Variants in AGAP1 observed in about 807,000 individuals in gnomAD.
AGAP1 encodes the protein arf-GAP with GTPase, ANK repeat and PH domain-containing protein 1.
AGAP1 carries 29 observed loss-of-function variants against 105.3 expected under a neutral mutation model. That is an observed-to-expected ratio of 0.28 (90% CI 0.21 to 0.38). The LOEUF (loss-of-function observed/expected upper bound fraction) is 0.38, where lower values mean the gene tolerates loss of function less well. Among genes scored for constraint, AGAP1 ranks in the 10% least tolerant of loss-of-function variants. The pLI is 1.00. For synonymous variants in AGAP1, 509 were observed against 485.9 expected (o/e 1.05, Z -0.63); for missense variants, 998 against 1,165.1 (o/e 0.86, Z 2.09).
chr2:236,010,580 G>C (rs1036832094), intron 13 of AGAP1, among the ~76,000 whole-genome samples: 1 of 152,204 alleles, frequency 6.6e-6, no homozygotes, highest in African/African-American at 2.4e-5. Flanking sequence ...GACGCAGAAA[G>C]TCCATACATA....
At chr2:235,624,264 T>C (rs1172220101) in intron 1 of AGAP1, among the ~76,000 whole-genome samples, 1 of 152,242 alleles carries the variant, frequency 6.6e-6, no homozygotes, top group Non-Finnish European at 1.5e-5. Context: ...TGTTGGTGTT[T>C]ATGGAAGAAA....
intron 1 of AGAP1, among the ~76,000 whole-genome samples, chr2:235,688,595 A>C (rs1318523507): frequency 6.6e-6 from 1 of 152,060 alleles, no homozygotes; most frequent in Non-Finnish European, 1.5e-5. Context: ...GTTCTATCCC[A>C]CATCTCCAGT....
intron 1 of AGAP1, among the ~76,000 whole-genome samples, chr2:235,607,602 C>T (rs1278219653): frequency 1.3e-5 from 2 of 152,202 alleles, no homozygotes; most frequent in Non-Finnish European, 2.9e-5. Context: ...TGTTTGTCAC[C>T]TGAAGGGGCT....
intron 1 of AGAP1, among the ~76,000 whole-genome samples, chr2:235,529,487 G>C (rs974032474): frequency 2.0e-5 from 3 of 152,194 alleles, no homozygotes; most frequent in African/African-American, 7.2e-5. Context: ...AGGAGGTGCA[G>C]ATCTCTCAAG....
rs538830513 is a variant in AGAP1, at chr2:236,081,530, G to A, written c.2114+32249G>A. On this transcript the variant is annotated intron_variant, in intron 16 of 17. Transcript: ENST00000304032. ...CACTTGCAGACAGAAGTCACGCCTC[G>A]TGGTCCAAAGCCACCAAGTCATTAC... Among the ~76,000 whole-genome samples the A allele has an allele frequency of 4.1e-4, 62 of 152,258 alleles. No individual in the cohort carries two copies. The South Asian group carries it at 0.012, about 30-fold the overall frequency.
intron 1 of AGAP1, among the ~76,000 whole-genome samples, chr2:235,698,599 C>G (rs1054323533): frequency 6.6e-6 from 1 of 152,138 alleles, no homozygotes; most frequent in Non-Finnish European, 1.5e-5. Context: ...GAGATCTGTT[C>G]AAAATTCTAC....
chr2:235,826,265 C>T (rs1348379009), intron 9 of AGAP1, among the ~76,000 whole-genome samples: 1 of 152,158 alleles, frequency 6.6e-6, no homozygotes, highest in African/African-American at 2.4e-5. Context: ...ATGAGCATGG[C>T]TTATTAAGGG....
Position 235,494,805 on chromosome 2 carries a change from C to A in AGAP1, c.119C>A (p.Pro40Gln), listed in dbSNP as rs1470992641. 5 of 1,584,372 alleles carry A rather than the reference C, an allele frequency of 3.2e-6. No individual in the cohort carries two copies. Among genetic ancestry groups the A allele is most frequent in the Admixed American group, 1.8e-5 (1 of 57,052 alleles). ...GAGCTGCTGGAGCGCGTGGAGGAGC[C>A]GGTGCTGCAGAACCAGATCCGGGAG... Reference protein sequence around the residue: ...IYELLERVEEPVLQNQIREHV... With the variant: ...IYELLERVEEQVLQNQIREHV... The change falls in exon 1 of 18, where the codon CCG becomes CAG. Residue 40 changes from proline (P) to glutamine (Q), a missense_variant. This residue lies in a region of AGAP1 where 735 missense variants were observed against 833.4 expected (regional missense o/e 0.88). Coordinates refer to ENST00000304032, the MANE Select transcript of AGAP1 (RefSeq NM_001037131.3).
intron 1 of AGAP1, among the ~76,000 whole-genome samples, chr2:235,543,056 CTCCCT>C (rs1284028731): frequency 6.6e-6 from 1 of 151,514 alleles, no homozygotes; most frequent in Non-Finnish European, 1.5e-5. Flanking sequence ...CAGTCATTCC[CTCCCT>C]GGGTATTGTG....
intron 13 of AGAP1, among the ~76,000 whole-genome samples, chr2:236,034,189 T>G (rs779782910): frequency 6.6e-6 from 1 of 152,306 alleles, no homozygotes; most frequent in South Asian, 2.1e-4. Flanking sequence ...TAAAAGCCCA[T>G]GGATCAAGAA....
Position 235,789,173 on chromosome 2 carries a change from A to G in AGAP1, c.674-8586A>G, listed in dbSNP as rs1575469469. ...ATATTAAAAATGTCAAATACACCATATTTGTTTCAGCACAGGGTTTTTGTT... is the reference window on the plus strand; with the variant it reads ...ATATTAAAAATGTCAAATACACCATGTTTGTTTCAGCACAGGGTTTTTGTT... On this transcript the variant is annotated intron_variant, in intron 6 of 17. Coordinates refer to ENST00000304032, the MANE Select transcript of AGAP1 (RefSeq NM_001037131.3). This position sits in a 1 kb window ranked among gnomAD's most constrained non-coding sequence, Gnocchi z 4.2. 1.3e-5 allele frequency among the ~76,000 whole-genome samples: 2 copies of G among 152,170 alleles called. No homozygotes were observed. The highest frequency in any genetic ancestry group is 1.3e-4 in the Admixed American group (2 of 15,296).
At position 235,906,708 on chromosome 2, in the gene AGAP1, C is replaced by T. The variant is rs1444650841; in HGVS notation, c.1156-2030C>T. On this transcript the variant is annotated intron_variant, in intron 10 of 17. Transcript: ENST00000304032. This position sits in a 1 kb window ranked among gnomAD's most constrained non-coding sequence, Gnocchi z 5.3. ...TGACCATGGTTGGGCAGGGAGAAAACAGCTCTTCTCATCCTCTGCCCTGAG... is the reference window on the plus strand; with the variant it reads ...TGACCATGGTTGGGCAGGGAGAAAATAGCTCTTCTCATCCTCTGCCCTGAG... 6.7e-6 allele frequency among the ~76,000 whole-genome samples: 1 copy of T among 150,268 alleles called. No homozygotes were observed. The highest frequency in any genetic ancestry group is 6.6e-5 in the Admixed American group (1 of 15,186).
intron 1 of AGAP1, among the ~76,000 whole-genome samples, chr2:235,706,151 T>C (rs1469260085): frequency 6.6e-6 from 1 of 152,214 alleles, no homozygotes; most frequent in East Asian, 1.9e-4. Context: ...ACCTGTTAAG[T>C]TGGAAATTTT....
chr2:235,500,654 G>A (rs1941523156), intron 1 of AGAP1, among the ~76,000 whole-genome samples: 1 of 152,176 alleles, frequency 6.6e-6, no homozygotes, highest in Non-Finnish European at 1.5e-5. Flanking sequence ...TGGTGGACGA[G>A]GGACTTAAAC....
At chr2:235,832,235 A>G (rs111371561) in intron 9 of AGAP1, among the ~76,000 whole-genome samples, 180 of 152,098 alleles carry the variant, frequency 1.2e-3, no homozygotes, top group African/African-American at 4.2e-3. Flanking sequence ...TTTTTTATAG[A>G]TATTTTCTCC....
rs1012108789 is a variant in AGAP1, at chr2:235,983,485, C to G, written c.1645+14862C>G. On this transcript the variant is annotated intron_variant, in intron 13 of 17. Coordinates refer to ENST00000304032, the MANE Select transcript of AGAP1 (RefSeq NM_001037131.3). This position sits in a 1 kb window ranked among gnomAD's most constrained non-coding sequence, Gnocchi z 4.5. The stretch of plus-strand genomic sequence containing the variant: ...ATTTCTTTTTTCTTCTTTTCCCATC[C>G]ATAACCTCATCATTGTCTTTTTCTC... 6.6e-6 allele frequency among the ~76,000 whole-genome samples: 1 copy of G among 152,128 alleles called. No homozygotes were observed. Among genetic ancestry groups the G allele is most frequent in the Non-Finnish European group, 1.5e-5 (1 of 68,026 alleles).
At chr2:235,991,098 C>T (rs1238302591) in intron 13 of AGAP1, among the ~76,000 whole-genome samples, 1 of 152,220 alleles carries the variant, frequency 6.6e-6, no homozygotes. Context: ...TTGTAGTTAA[C>T]ATCACGTGCT....
chr2:235,820,691 A>AT (rs1399205420), intron 9 of AGAP1, among the ~76,000 whole-genome samples: 5 of 152,262 alleles, frequency 3.3e-5, no homozygotes, highest in African/African-American at 1.2e-4. Context: ...TTTTATACAA[A>AT]TATATAAAAC....
chr2:235,990,913 G>T (rs1344662986), intron 13 of AGAP1, among the ~76,000 whole-genome samples: 1 of 152,220 alleles, frequency 6.6e-6, no homozygotes, highest in African/African-American at 2.4e-5. Context: ...GACCACCAGG[G>T]GTGGGGCAAG....
Sources: allele counts gnomAD v4.1 joint callset (sites outside exome capture counted in the v4.1 genomes callset), GRCh38; gene constraint gnomAD v4.1.1; regional missense constraint gnomAD v4.1.1; non-coding constraint Gnocchi (gnomAD v3.1); transcripts MANE v1.5; gene names NCBI Gene and HGNC (gene_info 2026-07-23, HGNC 2026-07-21).